The following AGMO variants were observed in gnomAD, a reference collection of about 807,000 sequenced individuals.
AGMO encodes the protein glyceryl-ether monooxygenase.
Under a neutral mutation model 60.2 loss-of-function variants are expected in AGMO, and 75 were observed. The observed-to-expected ratio is 1.25, with a 90% confidence interval of 1.03 to 1.51. The LOEUF is 1.51. Ranked by LOEUF, AGMO falls within the 40% of genes most tolerant of loss-of-function variation. AGMO has a pLI of 0.00. For synonymous variants in AGMO, 261 were observed against 177.1 expected (o/e 1.47, Z -3.76); for missense variants, 763 against 525.5 (o/e 1.45, Z -4.42).
At chr7:15,461,234 C>T (rs1363951146) in intron 3 of AGMO, among the ~76,000 whole-genome samples, 2 of 151,618 alleles carry the variant, frequency 1.3e-5, no homozygotes, top group Admixed American at 6.6e-5. Context: ...TGAGATTGGC[C>T]TAATATTTAT....
chr7:15,280,391 G>GAC (rs936464952), intron 12 of AGMO, among the ~76,000 whole-genome samples: 11 of 152,126 alleles, frequency 7.2e-5, no homozygotes, highest in Non-Finnish European at 1.5e-4. Context: ...CCTGGAACAT[G>GAC]ACCCCAGTGT....
At chr7:15,545,284 T>C (rs1431531302) in intron 2 of AGMO, among the ~76,000 whole-genome samples, 1 of 152,132 alleles carries the variant, frequency 6.6e-6, no homozygotes, top group African/African-American at 2.4e-5. Flanking sequence ...TAAATCTTAT[T>C]GAAGTACATA....
At chr7:15,485,450 C>T (rs1185876351) in intron 3 of AGMO, among the ~76,000 whole-genome samples, 4 of 152,092 alleles carry the variant, frequency 2.6e-5, no homozygotes, top group African/African-American at 9.7e-5. Context: ...GCTCAAATTA[C>T]CTTTATCTGT....
chr7:15,483,000 T>G (rs1030677570), intron 3 of AGMO, among the ~76,000 whole-genome samples: 1 of 152,174 alleles, frequency 6.6e-6, no homozygotes, highest in South Asian at 2.1e-4. Context: ...AGTATCTATC[T>G]TTAAAATACT....
At chr7:15,432,645 C>G (rs1366049357) in intron 3 of AGMO, among the ~76,000 whole-genome samples, 1 of 151,738 alleles carries the variant, frequency 6.6e-6, no homozygotes, top group African/African-American at 2.4e-5. Flanking sequence ...TCAACCACAG[C>G]AGATATGTAA....
At chr7:15,253,912 A>G (rs1296062676) in intron 12 of AGMO, among the ~76,000 whole-genome samples, 2 of 152,020 alleles carry the variant, frequency 1.3e-5, no homozygotes, top group East Asian at 1.9e-4. Flanking sequence ...TATGAGATCA[A>G]TATTTTCAAC....
chr7:15,201,386 A>G, intron 12 of AGMO, 27 bp from the exon 13 acceptor site: 2 of 1,541,214 alleles, frequency 1.3e-6, no homozygotes, highest in African/African-American at 1.4e-5. Context: ...CAAAGAGAAA[A>G]AAAAATTAGA....
intron 12 of AGMO, among the ~76,000 whole-genome samples, chr7:15,213,220 A>G (rs1781645291): frequency 6.6e-6 from 1 of 151,904 alleles, no homozygotes; most frequent in South Asian, 2.1e-4. Context: ...TCAAAAATAT[A>G]AAGAAGTCTT....
intron 3 of AGMO, among the ~76,000 whole-genome samples, chr7:15,474,465 A>T (rs1348482255): frequency 1.3e-5 from 2 of 152,174 alleles, no homozygotes; most frequent in African/African-American, 4.8e-5. Flanking sequence ...CCTATTTAAT[A>T]ACTGGTGTCG....
chr7:15,308,015 T>A (rs1780664646), intron 12 of AGMO, among the ~76,000 whole-genome samples: 1 of 152,040 alleles, frequency 6.6e-6, no homozygotes. Context: ...ACCTGGAATT[T>A]CCCCACAAGC....
intron 3 of AGMO, among the ~76,000 whole-genome samples, chr7:15,490,121 A>G (rs114670609): frequency 0.027 from 4,101 of 152,326 alleles, 170 homozygotes; most frequent in African/African-American, 0.094. Flanking sequence ...ATTTTTAAAT[A>G]TCAGATTTAT....
At chr7:15,505,117 C>A (rs543133849) in intron 3 of AGMO, among the ~76,000 whole-genome samples, 1 of 149,438 alleles carries the variant, frequency 6.7e-6, no homozygotes, top group Non-Finnish European at 1.5e-5. Context: ...ATTTTATCCA[C>A]GTTTCAAGTC....
At chr7:15,117,770 A>G in the AGMO span, among the ~76,000 whole-genome samples, 3 of 152,034 alleles carry the variant, frequency 2.0e-5, no homozygotes, top group Non-Finnish European at 4.4e-5. Context: ...AAAACTTCAG[A>G]TGGGTGTTGG....
In AGMO at chr7:15,229,167, T is replaced by C. The variant is rs114258372; in HGVS notation, c.1264-27808A>G. On this transcript the variant is annotated intron_variant, in intron 12 of 12. Coordinates refer to ENST00000342526, the MANE Select transcript of AGMO (RefSeq NM_001004320.2). ...CCCATTCCTGCTCCATTAGCTACAA[T>C]GTTGCCTCCGACAAACACAAATGAT... Among the ~76,000 whole-genome samples the C allele has an allele frequency of 3.4e-3, 518 of 152,228 alleles. 1 individual carries two copies. The highest frequency in any genetic ancestry group is 0.011 in the African/African-American group (476 of 41,548).
chr7:15,430,932 T>G, intron 4 of AGMO, 73 bp downstream of exon 4: 1 of 786,916 alleles, frequency 1.3e-6, no homozygotes, highest in South Asian at 2.8e-5. Context: ...TTTTTTTTTT[T>G]TGAGGAAATA....
intron 3 of AGMO, among the ~76,000 whole-genome samples, chr7:15,450,089 T>G (rs1781817568): frequency 6.6e-6 from 1 of 152,252 alleles, no homozygotes; most frequent in East Asian, 1.9e-4. Context: ...AGTAAAGTAT[T>G]ACAAATGTAA....
chr7:15,450,186 C>T (rs1297402461), intron 3 of AGMO, among the ~76,000 whole-genome samples: 3 of 151,972 alleles, frequency 2.0e-5, no homozygotes, highest in East Asian at 1.9e-4. Context: ...TTTGGGAGGC[C>T]GAGGCGGGCA....
At chr7:15,153,932 G>C in the AGMO span, among the ~76,000 whole-genome samples, 1 of 151,908 alleles carries the variant, frequency 6.6e-6, no homozygotes. Context: ...GATTACTTTT[G>C]GCAATACAGT....
rs567400857 is a variant in AGMO, at chr7:15,244,714, C to A, written c.1264-43355G>T. Among the ~76,000 whole-genome samples the A allele has an allele frequency of 2.6e-5, 4 of 152,166 alleles. No homozygotes were observed. In the South Asian group the frequency reaches 6.2e-4, roughly 24 times the overall value. On this transcript the variant is annotated intron_variant, in intron 12 of 12. Coordinates refer to ENST00000342526, the MANE Select transcript of AGMO (RefSeq NM_001004320.2). ...TCGCCCAGGCTGGAGTGCAGTGGCG[C>A]GATCTCGGCTCACTGCAAGCTCCAC... is the stretch of plus-strand genomic sequence containing the variant.
Sources: allele counts gnomAD v4.1 joint callset (sites outside exome capture counted in the v4.1 genomes callset), GRCh38; gene constraint gnomAD v4.1.1; transcripts MANE v1.5; gene names NCBI Gene and HGNC (gene_info 2026-07-23, HGNC 2026-07-21).